The following CDH13 variants were observed in gnomAD, a reference collection of about 807,000 sequenced individuals.
The protein encoded by CDH13 is cadherin 13, also known as cadherin-13.
A neutral mutation model predicts 63.8 loss-of-function variants in CDH13; 24 were observed. The ratio of observed to expected loss-of-function variants is 0.38; its 90% CI spans 0.27 to 0.53. CDH13 has a LOEUF of 0.53. Among genes scored for constraint, CDH13 ranks in the 20% least tolerant of loss-of-function variants. The pLI is 0.85. For missense variants in CDH13, 1,049 were observed against 903.1 expected (o/e 1.16, Z -2.07); for synonymous variants, 503 against 355.3 (o/e 1.42, Z -4.67).
chr16:82,671,523 C>T (rs1007433754), intron 1 of CDH13, among the ~76,000 whole-genome samples: 10 of 152,184 alleles, frequency 6.6e-5, no homozygotes, highest in African/African-American at 2.4e-4. Context: ...CCTATACCTT[C>T]AATATCAAAG....
chr16:83,487,844 C>T (rs1485813310), intron 7 of CDH13, among the ~76,000 whole-genome samples: 1 of 152,154 alleles, frequency 6.6e-6, no homozygotes, highest in African/African-American at 2.4e-5. Flanking sequence ...CTGCTTTCTC[C>T]TCTCTTATGT....
intron 4 of CDH13, 70 bp from the exon 5 acceptor site, chr16:83,217,275 A>C (rs2039563961): frequency 8.0e-6 from 12 of 1,495,044 alleles, no homozygotes; most frequent in Non-Finnish European, 1.0e-5. Flanking sequence ...TGCTCATGGG[A>C]GTATGTTTGC....
In CDH13 at chr16:83,036,679, C is replaced by T. The variant is rs927808779; in HGVS notation, c.366+4461C>T. On this transcript the variant is annotated intron_variant, in intron 3 of 13. Transcript: ENST00000567109. ...GCCTGTAAATTCTGACCCTTGATAT[C>T]TGGCTCCCACTCTGCATCCCTCTCC... 1.0e-3 allele frequency among the ~76,000 whole-genome samples: 154 copies of T among 152,158 alleles called. 1 individual carries two copies. The highest frequency in any genetic ancestry group is 2.9e-5 in the Non-Finnish European group (2 of 68,020).
chr16:82,879,385 A>C (rs2040615031), intron 2 of CDH13, among the ~76,000 whole-genome samples: 1 of 151,016 alleles, frequency 6.6e-6, no homozygotes, highest in South Asian at 2.1e-4. Flanking sequence ...TGGCCCCTCA[A>C]ACCTCACTTT....
At chr16:82,937,419 G>GCACA (rs748594526) in intron 2 of CDH13, among the ~76,000 whole-genome samples, 1 of 149,006 alleles carries the variant, frequency 6.7e-6, no homozygotes, top group Non-Finnish European at 1.5e-5. Context: ...ACATACACAT[G>GCACA]CACACACACA....
chr16:83,584,753 C>G (rs1341882457), intron 7 of CDH13, among the ~76,000 whole-genome samples: 1 of 152,116 alleles, frequency 6.6e-6, no homozygotes, highest in African/African-American at 2.4e-5. Context: ...ATAAAGAAAA[C>G]AGGTTTAATT....
rs76379009 is a variant in CDH13, at chr16:82,914,779, A to C, written c.157+56306A>C. On this transcript the variant is annotated intron_variant, in intron 2 of 13. Transcript: ENST00000567109. Reference sequence around the variant, plus strand: ...GGAGAATGTGGAAGTTACATGCTCCATTTAGACATCAGTGTTCTCTACTAC... The same window carrying C: ...GGAGAATGTGGAAGTTACATGCTCCCTTTAGACATCAGTGTTCTCTACTAC... Among the ~76,000 whole-genome samples, 1,426 of 152,318 alleles carry C rather than the reference A, an allele frequency of 9.4e-3. 149 individuals carry two copies. The East Asian group carries it at 0.23, about 25-fold the overall frequency.
At chr16:83,416,310 C>G (rs1192595487) in intron 6 of CDH13, among the ~76,000 whole-genome samples, 1 of 152,120 alleles carries the variant, frequency 6.6e-6, no homozygotes, top group Admixed American at 6.5e-5. Flanking sequence ...GTTAAAACAT[C>G]CACATTACCC....
intron 11 of CDH13, among the ~76,000 whole-genome samples, chr16:83,754,554 G>A (rs1046775107): frequency 6.6e-6 from 1 of 152,156 alleles, no homozygotes; most frequent in Non-Finnish European, 1.5e-5. Context: ...ATGTGCTGTG[G>A]GAGGGACCCA....
chr16:83,445,006 T>A (rs2072631233), intron 6 of CDH13, among the ~76,000 whole-genome samples: 1 of 152,170 alleles, frequency 6.6e-6, no homozygotes, highest in East Asian at 1.9e-4. Context: ...ACCACAGGGC[T>A]GGGATTTTTT....
At chr16:83,110,648 G>C (rs1567839329) in intron 3 of CDH13, among the ~76,000 whole-genome samples, 2 of 152,084 alleles carry the variant, frequency 1.3e-5, no homozygotes, top group South Asian at 4.2e-4. Flanking sequence ...GCTCCTCCCT[G>C]GGCCTGGTTA....
intron 1 of CDH13, among the ~76,000 whole-genome samples, chr16:82,684,951 A>C (rs1199862365): frequency 6.6e-6 from 1 of 152,106 alleles, no homozygotes; most frequent in East Asian, 1.9e-4. Flanking sequence ...GAGTAAATTC[A>C]CCTATTTAAT....
rs369378342 is a variant in CDH13 at position 83,094,029 on chromosome 16, G to C, written c.367-31356G>C. On this transcript the variant is annotated intron_variant, in intron 3 of 13. Coordinates refer to ENST00000567109, the MANE Select transcript of CDH13 (RefSeq NM_001257.5). ...GCTTTTATGAATAGGCAAAATTTGGGTAAAGAGGTAGACCCATTTTTAAGA... is the reference window on the plus strand; with the variant it reads ...GCTTTTATGAATAGGCAAAATTTGGCTAAAGAGGTAGACCCATTTTTAAGA... 8.6e-4 allele frequency among the ~76,000 whole-genome samples: 131 copies of C among 152,284 alleles called. 1 individual carries two copies. Among genetic ancestry groups the C allele is most frequent in the African/African-American group, 2.8e-3 (116 of 41,568 alleles).
intron 6 of CDH13, among the ~76,000 whole-genome samples, chr16:83,423,376 C>G (rs1031610938): frequency 2.0e-5 from 3 of 152,116 alleles, no homozygotes; most frequent in Non-Finnish European, 4.4e-5. Flanking sequence ...TCACTCGTTG[C>G]TCTTTCAATG....
intron 7 of CDH13, among the ~76,000 whole-genome samples, chr16:83,596,683 G>C (rs1329595831): frequency 6.6e-6 from 1 of 152,150 alleles, no homozygotes; most frequent in East Asian, 1.9e-4. Context: ...AGGCTCTGAG[G>C]ATCGGGAAGT....
At chr16:83,257,181 G>C (rs1003411811) in intron 5 of CDH13, among the ~76,000 whole-genome samples, 2 of 152,074 alleles carry the variant, frequency 1.3e-5, no homozygotes, top group Non-Finnish European at 2.9e-5. Context: ...CTTCCTCGAG[G>C]GTGAGTAGGA....
chr16:83,240,193 G>A (rs915081885), intron 5 of CDH13, among the ~76,000 whole-genome samples: 5 of 152,090 alleles, frequency 3.3e-5, no homozygotes, highest in African/African-American at 7.2e-5. Flanking sequence ...AGCAGGCCGT[G>A]ACCCCTTCTT....
At chr16:82,688,246 C>G (rs368181761) in intron 1 of CDH13, among the ~76,000 whole-genome samples, 11 of 152,130 alleles carry the variant, frequency 7.2e-5, no homozygotes, top group African/African-American at 2.7e-4. Flanking sequence ...GTCTCGAATG[C>G]CCTGCTGGGC....
At chr16:82,726,333 C>A (rs137980074) in intron 1 of CDH13, among the ~76,000 whole-genome samples, 3 of 152,272 alleles carry the variant, frequency 2.0e-5, no homozygotes, top group East Asian at 3.9e-4. Flanking sequence ...ATAAAAGCAG[C>A]AAGAAGATAC....
Sources: gnomAD v4.1 joint callset for allele counts (sites outside exome capture counted in the v4.1 genomes callset) on GRCh38, gnomAD v4.1.1 for gene constraint, MANE v1.5 for transcripts, NCBI Gene and HGNC (gene_info 2026-07-23, HGNC 2026-07-21) for gene names.